Variants in DOCK5 observed in about 807,000 individuals in gnomAD.
DOCK5 encodes dedicator of cytokinesis 5.
DOCK5 carries 142 observed loss-of-function variants against 251.8 expected under a neutral mutation model. The ratio of observed to expected loss-of-function variants is 0.56; its 90% CI spans 0.49 to 0.65. The LOEUF is 0.65. Among genes scored for constraint, DOCK5 ranks in the 30% least tolerant of loss-of-function variants. The pLI, the probability that DOCK5 is intolerant of heterozygous loss-of-function variation, is 0.00. For synonymous variants in DOCK5, 842 were observed against 835.5 expected (o/e 1.01, Z -0.13); for missense variants, 2,111 against 2,312.3 (o/e 0.91, Z 1.79).
chr8:25,198,574 A>C (rs998694064), intron 1 of DOCK5, among the ~76,000 whole-genome samples: 1 of 143,832 alleles, frequency 7.0e-6, no homozygotes, highest in Admixed American at 6.7e-5. Context: ...TCCATCTCAA[A>C]AAAAAAAAAA....
rs143933392 is a variant in DOCK5, at chr8:25,391,610, C to T, written c.4356-286C>T. ...CCAAGATCGTGTCACTGCACTCCAG[C>T]CTGGGTGACAGAGTTAGACTCTGAC... On this transcript the variant is annotated intron_variant, in intron 42 of 51. Transcript: ENST00000276440. Among the ~76,000 whole-genome samples the T allele has an allele frequency of 6.7e-3, 1,013 of 151,928 alleles. 6 individuals carry two copies. Among genetic ancestry groups the T allele is most frequent in the African/African-American group, 0.023 (932 of 41,392 alleles).
chr8:25,185,395 G>A (rs139690735), intron 1 of DOCK5, among the ~76,000 whole-genome samples: 1 of 152,278 alleles, frequency 6.6e-6, no homozygotes, highest in African/African-American at 2.4e-5. Context: ...CGCTTTCGTA[G>A]GTTCTTCTCA....
chr8:25,399,255 T>TA (rs1801396682), intron 45 of DOCK5, among the ~76,000 whole-genome samples: 1 of 152,192 alleles, frequency 6.6e-6, no homozygotes, highest in South Asian at 2.1e-4. Flanking sequence ...ATTTACCTGT[T>TA]ACAGGGACTT....
At chr8:25,385,061 A>AG (rs778147348) in intron 40 of DOCK5, among the ~76,000 whole-genome samples, 14 of 152,176 alleles carry the variant, frequency 9.2e-5, no homozygotes, top group Non-Finnish European at 1.6e-4. Context: ...AGGAAGCATC[A>AG]GGCAAGAGCA....
In DOCK5 at chr8:25,210,168, G is replaced by C. The variant is rs1395338053; in HGVS notation, c.43+25217G>C. 8.4e-5 allele frequency among the ~76,000 whole-genome samples: 5 copies of C among 59,646 alleles called. 1 individual carries two copies. Among genetic ancestry groups the C allele is most frequent in the African/African-American group, 1.9e-4 (5 of 25,852 alleles). The allele number at this position is 59,646 out of a possible 152,430, so 39.1% of individuals were successfully genotyped here. ...AGATGGGGCCTTGCTATTTTGTCCA[G>C]GCTAGTCTTGAACTCTTGGCCTCAA... On this transcript the variant is annotated intron_variant, in intron 1 of 51. Transcript: ENST00000276440.
chr8:25,187,398 A>T (rs1035101198), intron 1 of DOCK5, among the ~76,000 whole-genome samples: 15 of 138,038 alleles, frequency 1.1e-4, no homozygotes, highest in Non-Finnish European at 6.2e-5. Context: ...GTGTGTGTGT[A>T]AAATATTTGG....
At chr8:25,260,392 G>A (rs1803546102) in intron 2 of DOCK5, among the ~76,000 whole-genome samples, 1 of 151,050 alleles carries the variant, frequency 6.6e-6, no homozygotes, top group Non-Finnish European at 1.5e-5. Context: ...CATAATGCAG[G>A]TGTATAGAAA....
chr8:25,276,543 G>C (rs2117126651), intron 4 of DOCK5, among the ~76,000 whole-genome samples: 1 of 152,242 alleles, frequency 6.6e-6, no homozygotes, highest in African/African-American at 2.4e-5. Flanking sequence ...TCCTGGGGCT[G>C]ATGGAGAGGA....
At chr8:25,278,439 CT>C (rs1349715696) in intron 4 of DOCK5, 129 bp from the exon 5 acceptor site, 2 of 796,206 alleles carry the variant, frequency 2.5e-6, no homozygotes, top group Non-Finnish European at 4.2e-6. Flanking sequence ...ATAAAGTCCC[CT>C]GCACAACTCC....
Position 25,184,831 on chromosome 8 carries a change from A to T in DOCK5, c.-78A>T, listed in dbSNP as rs541872237. ...GGCGGAAGCGTCTGGGGCACGCAGG[A>T]GCGCGGGGCGGCGGCGGCCGGAGCC... On this transcript the variant is annotated 5_prime_UTR_variant, in exon 1 of 52. Transcript: ENST00000276440. 3 of 1,230,654 alleles carry T rather than the reference A, an allele frequency of 2.4e-6. No individual in the cohort carries two copies. The highest frequency in any genetic ancestry group is 2.1e-6 in the Non-Finnish European group (2 of 968,404). 76.2% of individuals were successfully genotyped at this position (1,230,654 alleles called of 1,614,324 possible).
intron 5 of DOCK5, among the ~76,000 whole-genome samples, chr8:25,283,807 G>A (rs984529616): frequency 1.3e-5 from 2 of 152,116 alleles, no homozygotes; most frequent in Non-Finnish European, 2.9e-5. Context: ...CAGGAGGCCC[G>A]GGTCATTCCA....
intron 1 of DOCK5, among the ~76,000 whole-genome samples, chr8:25,187,194 C>T (rs1586211080): frequency 1.4e-5 from 2 of 147,228 alleles, no homozygotes; most frequent in South Asian, 2.1e-4. Flanking sequence ...CTGTGAGACC[C>T]GATCTCAAAA....
intron 1 of DOCK5, among the ~76,000 whole-genome samples, chr8:25,197,974 TCTC>T (rs1007906759): frequency 6.6e-6 from 1 of 151,948 alleles, no homozygotes; most frequent in African/African-American, 2.4e-5. Context: ...ATGGTCTCGA[TCTC>T]CTGACGTCGT....
intron 22 of DOCK5, among the ~76,000 whole-genome samples, 180 bp from the exon 23 acceptor site, chr8:25,340,697 T>C (rs1805931152): frequency 2.0e-5 from 3 of 152,174 alleles, no homozygotes; most frequent in African/African-American, 7.2e-5. Flanking sequence ...ATCAGAGCCT[T>C]TCCGGGTTGA....
chr8:25,276,635 T>C (rs184494429), intron 4 of DOCK5, among the ~76,000 whole-genome samples: 1 of 152,252 alleles, frequency 6.6e-6, no homozygotes, highest in East Asian at 1.9e-4. Context: ...CCAGTTGTAG[T>C]TCAGCACCAT....
intron 38 of DOCK5, among the ~76,000 whole-genome samples, chr8:25,378,028 G>A (rs910498935): frequency 6.6e-6 from 1 of 151,920 alleles, no homozygotes; most frequent in African/African-American, 2.4e-5. Flanking sequence ...CAAGACTACA[G>A]GCATGAGCCA....
intron 1 of DOCK5, among the ~76,000 whole-genome samples, chr8:25,219,787 T>C (rs1377841567): frequency 5.9e-5 from 9 of 151,990 alleles, no homozygotes; most frequent in Admixed American, 5.9e-4. Context: ...TTCTGGAAGG[T>C]TCTAAAATCT....
chr8:25,345,422 C>A lies in DOCK5; in HGVS notation c.2618-53C>A, dbSNP rs538773180. ...GGAAGAGTTGCAGGAAGGAGACAGG[C>A]AGTTCAGGAGGTGGCACTGCTGTGT... On this transcript the variant is annotated intron_variant, in intron 25 of 51. Transcript: ENST00000276440. 1.2e-5 allele frequency: 20 copies of A among 1,600,326 alleles called. No homozygotes were observed. In the South Asian group the frequency reaches 2.1e-4, roughly 17 times the overall value.
At chr8:25,298,809 T>C in intron 7 of DOCK5, 135 bp from the exon 8 acceptor site, 2 of 985,590 alleles carry the variant, frequency 2.0e-6, no homozygotes. Context: ...CTAGTAGCAC[T>C]GGGATTACAG....
Sources: allele counts gnomAD v4.1 joint callset (sites outside exome capture counted in the v4.1 genomes callset), GRCh38; gene constraint gnomAD v4.1.1; transcripts MANE v1.5; gene names NCBI Gene and HGNC (gene_info 2026-07-23, HGNC 2026-07-21).